Variants in RAB38 observed in about 807,000 individuals in gnomAD.
RAB38 encodes ras-related protein Rab-38.
In RAB38, 15 loss-of-function variants were observed where a neutral mutation model predicts 18.4. That is an observed-to-expected ratio of 0.82 (90% CI 0.55 to 1.26). RAB38 has a LOEUF of 1.26. RAB38 is among the 50% of genes most tolerant of loss of function. RAB38 has a pLI of 0.00. For missense variants in RAB38, 294 were observed against 267.4 expected, an observed-to-expected ratio of 1.10 and a Z score of -0.69; for synonymous variants, 101 against 104.4, an observed-to-expected ratio of 0.97 and a Z score of 0.20.
the RAB38 span, among the ~76,000 whole-genome samples, chr11:87,953,162 T>C: frequency 6.6e-6 from 1 of 152,230 alleles, no homozygotes; most frequent in East Asian, 1.9e-4. Context: ...GGACTGGAGG[T>C]ATAATAATAT....
chr11:88,021,653 C>T, the RAB38 span, among the ~76,000 whole-genome samples: 6 of 149,906 alleles, frequency 4.0e-5, no homozygotes, highest in East Asian at 6.2e-4. Flanking sequence ...TGCAGTGGCA[C>T]GATCTTGGCT....
At chr11:87,960,155 G>T in the RAB38 span, among the ~76,000 whole-genome samples, 1 of 152,060 alleles carries the variant, frequency 6.6e-6, no homozygotes, top group African/African-American at 2.4e-5. Flanking sequence ...AATTGACTTA[G>T]AAAAGTGCTT....
chr11:87,945,028 T>C, the RAB38 span, among the ~76,000 whole-genome samples: 2 of 152,152 alleles, frequency 1.3e-5, no homozygotes, highest in African/African-American at 4.8e-5. Flanking sequence ...CTGAACTAGC[T>C]AGACAAATGT....
the RAB38 span, among the ~76,000 whole-genome samples, chr11:87,868,145 A>T: frequency 6.6e-6 from 1 of 151,660 alleles, no homozygotes; most frequent in Admixed American, 6.6e-5. Flanking sequence ...GCTGGAGTTG[A>T]AGCCTAATGG....
At chr11:88,063,173 C>T in the RAB38 span, among the ~76,000 whole-genome samples, 1 of 152,062 alleles carries the variant, frequency 6.6e-6, no homozygotes, top group Non-Finnish European at 1.5e-5. Flanking sequence ...ACAACTATAT[C>T]TATAATATAA....
At chr11:87,880,806 C>A in the RAB38 span, among the ~76,000 whole-genome samples, 1 of 151,792 alleles carries the variant, frequency 6.6e-6, no homozygotes, top group Non-Finnish European at 1.5e-5. Flanking sequence ...ATTTATTCCA[C>A]AAATAGTTAA....
At chr11:87,858,540 G>T in the RAB38 span, among the ~76,000 whole-genome samples, 1 of 152,086 alleles carries the variant, frequency 6.6e-6, no homozygotes, top group Non-Finnish European at 1.5e-5. Context: ...ATCCTTATTT[G>T]GGATAACTCA....
At chr11:87,893,403 A>G in the RAB38 span, among the ~76,000 whole-genome samples, 6 of 4,290 alleles carry the variant, frequency 1.4e-3, no homozygotes, top group African/African-American at 3.7e-3. Context: ...TTTTTTTTAC[A>G]TAGCTATTTG....
chr11:87,911,083 A>G, the RAB38 span, among the ~76,000 whole-genome samples: 1 of 152,036 alleles, frequency 6.6e-6, no homozygotes, highest in South Asian at 2.1e-4. Context: ...TCAACTGACC[A>G]TATATGTGTA....
intron 2 of RAB38, among the ~76,000 whole-genome samples, chr11:88,136,944 G>C (rs1051155473): frequency 4.6e-5 from 7 of 152,214 alleles, no homozygotes; most frequent in African/African-American, 1.7e-4. Context: ...AAAGAAAGGA[G>C]ACTTGAGACT....
the RAB38 span, among the ~76,000 whole-genome samples, chr11:87,867,715 A>G: frequency 6.6e-6 from 1 of 151,758 alleles, no homozygotes; most frequent in African/African-American, 2.4e-5. Flanking sequence ...ATATTTAACT[A>G]GTGCTTACCC....
At chr11:88,032,098 T>G in the RAB38 span, among the ~76,000 whole-genome samples, 2 of 151,676 alleles carry the variant, frequency 1.3e-5, no homozygotes, top group African/African-American at 4.9e-5. Context: ...TATCTGATCT[T>G]TGACAAACCT....
the RAB38 span, among the ~76,000 whole-genome samples, chr11:87,940,620 G>A: frequency 6.6e-6 from 1 of 151,866 alleles, no homozygotes; most frequent in South Asian, 2.1e-4. Flanking sequence ...ATGTGTGTGT[G>A]TATATATATG....
the RAB38 span, among the ~76,000 whole-genome samples, chr11:87,888,369 A>G: frequency 6.6e-6 from 1 of 152,016 alleles, no homozygotes; most frequent in African/African-American, 2.4e-5. Context: ...GTGAACAGCC[A>G]GAAAAAGTGA....
At chr11:88,116,108 T>A (rs550952926) in intron 2 of RAB38, among the ~76,000 whole-genome samples, 1 of 152,256 alleles carries the variant, frequency 6.6e-6, no homozygotes, top group East Asian at 1.9e-4. Context: ...CGTCTAAGGG[T>A]CACACCTGAA....
At chr11:88,164,254 C>G (rs1943220982) in intron 1 of RAB38, among the ~76,000 whole-genome samples, 1 of 104,488 alleles carries the variant, frequency 9.6e-6, no homozygotes, top group African/African-American at 3.6e-5. Flanking sequence ...CCAAGGTGCT[C>G]TCGGTGGGGG....
At chr11:88,005,828 T>C in the RAB38 span, among the ~76,000 whole-genome samples, 1 of 151,530 alleles carries the variant, frequency 6.6e-6, no homozygotes, top group Non-Finnish European at 1.5e-5. Context: ...GAATATCCAG[T>C]TTTCCCAGCA....
the RAB38 span, among the ~76,000 whole-genome samples, chr11:87,959,380 T>C: frequency 1.3e-5 from 2 of 152,134 alleles, no homozygotes; most frequent in African/African-American, 4.8e-5. Context: ...AAAGAAGAAA[T>C]AATCTTCTCA....
rs1038018880 is a variant in RAB38, at chr11:88,151,633, G to C, written c.203-1678C>G. ...AAGAGTAAAATGCTAAAACTGGGAT[G>C]TATCTAGGAAAATATAGGTTAACAT... On this transcript the variant is annotated intron_variant, in intron 1 of 2. Transcript: ENST00000243662. Among the ~76,000 whole-genome samples, 164 of 152,310 alleles carry C rather than the reference G, an allele frequency of 1.1e-3. 2 individuals carry two copies. Among genetic ancestry groups the C allele is most frequent in the African/African-American group, 3.8e-3 (158 of 41,590 alleles).
Sources: gnomAD v4.1 joint callset for allele counts (sites outside exome capture counted in the v4.1 genomes callset) on GRCh38, gnomAD v4.1.1 for gene constraint, MANE v1.5 for transcripts, NCBI Gene and HGNC (gene_info 2026-07-23, HGNC 2026-07-21) for gene names.